Variants in STAT6 observed in about 807,000 individuals in gnomAD.
STAT6 encodes the protein signal transducer and activator of transcription 6.
Under a neutral mutation model 106.3 loss-of-function variants are expected in STAT6, and 45 were observed. That is an observed-to-expected ratio of 0.42 (90% CI 0.33 to 0.54). STAT6 has a LOEUF of 0.54. Ranked by LOEUF, STAT6 falls within the 20% of genes least tolerant of loss-of-function variation. STAT6 has a pLI of 0.06. For synonymous variants in STAT6, 413 were observed against 413.6 expected (o/e 1.00, Z 0.02); for missense variants, 797 against 1,062.2 (o/e 0.75, Z 3.47).
chr12:57,096,265 C>CTGTA lies in STAT6; in HGVS notation c.*303_*306dup, dbSNP rs959853064. 6.0e-6 allele frequency: 2 copies of CTGTA among 334,322 alleles called. No individual in the cohort carries two copies. The highest frequency in any genetic ancestry group is 1.1e-5 in the Non-Finnish European group (2 of 182,554). 20.7% of individuals were successfully genotyped at this position (334,322 alleles called of 1,614,324 possible). The stretch of plus-strand genomic sequence containing the variant: ...TCAGCCCCATCACCCTCAGAGAGCT[C>CTGTA]TGTATGTGTGTGTGCGTGCGTGTGC... On this transcript the variant is annotated 3_prime_UTR_variant, in exon 22 of 22. Coordinates refer to ENST00000300134, the MANE Select transcript of STAT6 (RefSeq NM_003153.5).
At chr12:57,107,849 T>C (rs1398454813) in intron 2 of STAT6, 106 bp from the exon 3 acceptor site, 2 of 1,481,048 alleles carry the variant, frequency 1.4e-6, no homozygotes, top group Non-Finnish European at 1.8e-6. Flanking sequence ...CGCTCCTTAT[T>C]CTCCATCTAG....
rs769822551 is a variant in STAT6, at chr12:57,104,842, G to A, written c.1002-29C>T. ...CCAGGGGAGGTCAGAGTGTGAACGA[G>A]CTCATCTCACTGTCGTCAGGTGTGG... On this transcript the variant is annotated intron_variant, in intron 9 of 21. Transcript: ENST00000300134. The A allele has an allele frequency of 2.5e-6, 4 of 1,612,608 alleles. No homozygotes were observed. The African/African-American group carries it at 4.0e-5, about 16-fold the overall frequency.
chr12:57,102,530 G>A (rs1272541436), intron 12 of STAT6, 34 bp from the exon 13 acceptor site: 1 of 1,606,102 alleles, frequency 6.2e-7, no homozygotes, highest in Non-Finnish European at 8.5e-7. Context: ...AGCACTGCAG[G>A]CTACCGTCTT....
At position 57,097,060 on chromosome 12, in the gene STAT6, T is replaced by C. The variant is rs1160420057; in HGVS notation, c.2225+8A>G. On this transcript the variant is annotated splice_region_variant and intron_variant, in intron 20 of 21. Coordinates refer to ENST00000300134, the MANE Select transcript of STAT6 (RefSeq NM_003153.5). ...GCACATGGGGTCAGGAGGGGCTTTG[T>C]CACTCACTGGGGGTGAGGCTGGTCA... 1.9e-6 allele frequency: 3 copies of C among 1,564,896 alleles called. No homozygotes were observed. The Admixed American group carries it at 5.6e-5, about 29-fold the overall frequency.
intron 1 of STAT6, among the ~76,000 whole-genome samples, chr12:57,108,924 C>A (rs937920625): frequency 6.6e-6 from 1 of 152,116 alleles, no homozygotes; most frequent in African/African-American, 2.4e-5. Context: ...CTCGGCCAGG[C>A]GCAGTGGCTC....
In STAT6 at chr12:57,099,739, G is replaced by C; in HGVS notation, c.1744+28C>G. On this transcript the variant is annotated intron_variant, in intron 15 of 21. Transcript: ENST00000300134. This position sits in a 1 kb window ranked among gnomAD's most constrained non-coding sequence, Gnocchi z 4.7. The stretch of plus-strand genomic sequence containing the variant: ...AAACCCCAGAGGGCACAGGCACAGA[G>C]ACAGAGGACTGGCTGGGGTGGCCTC... 6.2e-7 allele frequency: 1 copy of C among 1,613,736 alleles called. No homozygotes were observed. The highest frequency in any genetic ancestry group is 1.1e-5 in the South Asian group (1 of 91,038).
intron 2 of STAT6, 118 bp from the exon 3 acceptor site, chr12:57,107,861 C>T: frequency 1.4e-6 from 2 of 1,393,186 alleles, no homozygotes; most frequent in South Asian, 1.4e-5. Context: ...TCCATCTAGG[C>T]CCTCTGTAGC....
chr12:57,100,178 C>G, intron 13 of STAT6, 88 bp from the exon 14 acceptor site: 1 of 1,124,904 alleles, frequency 8.9e-7, no homozygotes, highest in Non-Finnish European at 1.3e-6. Flanking sequence ...AGTGCCCTCA[C>G]GACAGAATCA....
At chr12:57,108,568 T>C (rs1328813566) in intron 1 of STAT6, among the ~76,000 whole-genome samples, 1 of 152,220 alleles carries the variant, frequency 6.6e-6, no homozygotes, top group East Asian at 1.9e-4. Context: ...GAGAGCTCTC[T>C]TAGAGTGGCA....
At position 57,106,782 on chromosome 12, in the gene STAT6, A is replaced by C. The variant is rs1222049627; in HGVS notation, c.389T>G (p.Phe130Cys). The C allele has an allele frequency of 3.1e-6, 5 of 1,614,022 alleles. No homozygotes were observed. The highest frequency in any genetic ancestry group is 4.2e-6 in the Non-Finnish European group (5 of 1,180,034). ...PFHWKQEELKFKTGLRRLQHR... is the reference protein window; with the variant it reads ...PFHWKQEELKCKTGLRRLQHR... ...CTGCAGCCTCCGCAAGCCTGTCTTAAACTTGAGTTCTTCCTGCTTCCAGTG... is the reference window on the plus strand; with the variant it reads ...CTGCAGCCTCCGCAAGCCTGTCTTACACTTGAGTTCTTCCTGCTTCCAGTG... Residue 130 changes from phenylalanine (F) to cysteine (C), a missense_variant, in exon 5 of 22, where the codon TTT becomes TGT. Phe to Cys is a radical substitution (Grantham distance 205). Coordinates refer to ENST00000300134, the MANE Select transcript of STAT6 (RefSeq NM_003153.5).
rs2033439800 is a variant in STAT6 at position 57,096,558 on chromosome 12, C to T, written c.*14G>A. ...TAGAAGAGCTGTCTCTTTGGGTTCT[C>T]CCTCCAGCTGGGATCACCAACTGGG... On this transcript the variant is annotated 3_prime_UTR_variant, in exon 22 of 22. Coordinates refer to ENST00000300134, the MANE Select transcript of STAT6 (RefSeq NM_003153.5). 3 of 1,563,152 alleles carry T rather than the reference C, an allele frequency of 1.9e-6. No individual in the cohort carries two copies. Among genetic ancestry groups the T allele is most frequent in the Non-Finnish European group, 1.7e-6 (2 of 1,157,824 alleles).
At chr12:57,106,374 C>A in intron 6 of STAT6, 35 bp from the exon 7 acceptor site, 1 of 1,612,884 alleles carries the variant, frequency 6.2e-7, no homozygotes, top group Non-Finnish European at 8.5e-7. Flanking sequence ...CAGGGCCTCA[C>A]GCTGCCTCCA....
chr12:57,106,501 G>A, intron 6 of STAT6, 27 bp downstream of exon 6: 1 of 1,613,496 alleles, frequency 6.2e-7, no homozygotes, highest in South Asian at 1.1e-5. Flanking sequence ...TTTGACCAAG[G>A]TCTCCACCTG....
rs1242538244 is a variant in STAT6, at chr12:57,111,154, C to G, written c.-47G>C. ...CTCGGCAACCCCTCTGCTGTCTTCT[C>G]CCTTTCTCAGCGGGCACTTCCAGGC... On this transcript the variant is annotated 5_prime_UTR_variant, in exon 1 of 22. Coordinates refer to ENST00000300134, the MANE Select transcript of STAT6 (RefSeq NM_003153.5). 2.0e-5 allele frequency: 3 copies of G among 152,230 alleles called. No individual in the cohort carries two copies. The highest frequency in any genetic ancestry group is 2.9e-5 in the Non-Finnish European group (2 of 68,250). 9.4% of individuals were successfully genotyped at this position (152,230 alleles called of 1,614,324 possible). A position where few individuals can be genotyped will look rare whatever the true frequency, so the allele number is the denominator to read the frequency against.
Position 57,098,579 on chromosome 12 carries a change from T to C in STAT6, c.2085A>G (p.Pro695=). ...GPDMVPQVYP[P]HSHSIPPYQG... ...GATACGGGGGGATGGAGTGAGAGTG[T>C]GGTGGGTACACCTGGGGCCTGGGGA... is the stretch of plus-strand genomic sequence containing the variant. Residue 695 remains proline, a synonymous_variant, in exon 19 of 22, where the codon CCA becomes CCG. Coordinates refer to ENST00000300134, the MANE Select transcript of STAT6 (RefSeq NM_003153.5). 6.2e-7 allele frequency: 1 copy of C among 1,614,036 alleles called. No individual in the cohort carries two copies. The highest frequency in any genetic ancestry group is 1.1e-5 in the South Asian group (1 of 91,084).
rs2033714719 is a variant in STAT6 at position 57,099,980 on chromosome 12, CA to C, written c.1607+15del. 1 of 1,613,894 alleles carries C rather than the reference CA, an allele frequency of 6.2e-7. No homozygotes were observed. The highest frequency in any genetic ancestry group is 1.7e-5 in the Admixed American group (1 of 59,974). On this transcript the variant is annotated intron_variant, in intron 14 of 21. Transcript: ENST00000300134. This position sits in a 1 kb window ranked among gnomAD's most constrained non-coding sequence, Gnocchi z 4.7. Reference sequence around the variant, plus strand: ...CTGGTGTATGGCTGCTCAGACTACCCAGGGTGGGGACTCACCGGTCAGACCA... The same window carrying C: ...CTGGTGTATGGCTGCTCAGACTACCCGGGTGGGGACTCACCGGTCAGACCA...
chr12:57,096,868 G>A lies in STAT6; in HGVS notation c.2336C>T (p.Ala779Val), dbSNP rs145346629. 133 of 1,614,156 alleles carry A rather than the reference G, an allele frequency of 8.2e-5. No homozygotes were observed. In the African/African-American group the frequency reaches 1.0e-3, roughly 12 times the overall value. Reference sequence around the variant, plus strand: ...CACTCACCAAGTGCCCTGAGGAAACGCTGTCACTGGCTGGCTCAGGCAGCT... The same window carrying A: ...CACTCACCAAGTGCCCTGAGGAAACACTGTCACTGGCTGGCTCAGGCAGCT... ...EDSCLSQPVT[A>V]FPQGTWIGED... Residue 779 changes from alanine (A) to valine (V), a missense_variant, in exon 21 of 22, where the codon GCG (alanine) becomes GTG (valine). Physicochemically the swap from Ala to Val is moderately conservative, Grantham distance 64. Around this residue, in one of 4 missense-constraint regions of STAT6, gnomAD observed 226 missense variants for 236.7 expected, o/e 0.95. Coordinates refer to ENST00000300134, the MANE Select transcript of STAT6 (RefSeq NM_003153.5).
chr12:57,108,800 G>A (rs890715295), intron 1 of STAT6, among the ~76,000 whole-genome samples: 1 of 152,212 alleles, frequency 6.6e-6, no homozygotes, highest in Admixed American at 6.5e-5. Context: ...AGCATGGAAA[G>A]CCTGAAACTC....
intron 19 of STAT6, 120 bp from the exon 20 acceptor site, chr12:57,097,253 C>G (rs1565679491): frequency 1.3e-6 from 1 of 754,300 alleles, no homozygotes; most frequent in Non-Finnish European, 2.0e-6. Context: ...TAGTCATGGC[C>G]TGGGCAAGCT....
Sources: gnomAD v4.1 joint callset for allele counts (sites outside exome capture counted in the v4.1 genomes callset) on GRCh38, gnomAD v4.1.1 for gene constraint, gnomAD v4.1.1 regional missense constraint, Gnocchi (gnomAD v3.1) non-coding constraint, MANE v1.5 for transcripts, NCBI Gene and HGNC (gene_info 2026-07-23, HGNC 2026-07-21) for gene names.